IGF2BP2: variants seen among roughly 807,000 people sequenced by gnomAD.
IGF2BP2 encodes the protein insulin-like growth factor 2 mRNA-binding protein 2.
Under a neutral mutation model 75.8 loss-of-function variants are expected in IGF2BP2, and 17 were observed. The observed-to-expected ratio is 0.22, with a 90% CI of 0.15 to 0.34. The LOEUF is 0.34. Ranked by LOEUF, IGF2BP2 falls within the 10% of genes least tolerant of loss-of-function variation. IGF2BP2 has a pLI of 1.00. For missense variants in IGF2BP2, 516 were observed against 772.4 expected (o/e 0.67, Z 3.93); for synonymous variants, 288 against 295.6 (o/e 0.97, Z 0.26).
chr3:185,698,490 T>C (rs1722865579), intron 2 of IGF2BP2, 143 bp from the exon 3 acceptor site: 1 of 716,226 alleles, frequency 1.4e-6, no homozygotes, highest in Non-Finnish European at 2.4e-6. Context: ...CTACTGTGAA[T>C]CATGAGCATA....
intron 2 of IGF2BP2, among the ~76,000 whole-genome samples, chr3:185,807,325 GAACAAT>G (rs1174282034): frequency 6.6e-6 from 1 of 152,162 alleles, no homozygotes; most frequent in African/African-American, 2.4e-5. Flanking sequence ...AAAGCACTGA[GAACAAT>G]TTAGGCCTTA....
At chr3:185,821,145 C>T (rs967487988) in intron 2 of IGF2BP2, 19 of 1,462,944 alleles carry the variant, frequency 1.3e-5, no homozygotes, top group Non-Finnish European at 1.6e-5. Flanking sequence ...GTACAAGTAG[C>T]TAATTTCTGC....
chr3:185,785,195 G>T (rs1229289371), intron 2 of IGF2BP2, among the ~76,000 whole-genome samples: 1 of 151,690 alleles, frequency 6.6e-6, no homozygotes, highest in Admixed American at 6.6e-5. Context: ...CAGCTACTCG[G>T]GAGGTTGAGG....
At chr3:185,672,789 C>A (rs1718733798) in intron 9 of IGF2BP2, 120 bp from the exon 10 acceptor site, 1 of 1,090,842 alleles carries the variant, frequency 9.2e-7, no homozygotes, top group African/African-American at 1.6e-5. Flanking sequence ...TCTGCCCAGG[C>A]TCTTCCTACC....
intron 2 of IGF2BP2, among the ~76,000 whole-genome samples, chr3:185,783,055 T>C (rs1735407165): frequency 6.6e-6 from 1 of 152,190 alleles, no homozygotes; most frequent in Admixed American, 6.5e-5. Flanking sequence ...TTAATTCCAC[T>C]AAAGTGTCAT....
intron 2 of IGF2BP2, among the ~76,000 whole-genome samples, chr3:185,707,154 G>A (rs1394879081): frequency 1.3e-5 from 2 of 151,612 alleles, no homozygotes; most frequent in Non-Finnish European, 2.9e-5. Context: ...GAACCCAGGA[G>A]GTGGAGGCTG....
chr3:185,643,365 C>T lies in IGF2BP2; in HGVS notation c.*2166G>A, dbSNP rs1239174865. On this transcript the variant is annotated 3_prime_UTR_variant, in exon 16 of 16. Transcript: ENST00000382199. ...GATAGACTGGTCTTCTCTAGCTTGA[C>T]ATGCAGTCGATCCATCCCTCTAGCT... Among the ~76,000 whole-genome samples the T allele has an allele frequency of 6.6e-6, 1 of 152,238 alleles. No homozygotes were observed. The highest frequency in any genetic ancestry group is 1.5e-5 in the Non-Finnish European group (1 of 68,042).
At chr3:185,677,656 A>G (rs1416970799) in intron 7 of IGF2BP2, among the ~76,000 whole-genome samples, 1 of 152,228 alleles carries the variant, frequency 6.6e-6, no homozygotes, top group African/African-American at 2.4e-5. Flanking sequence ...ACCAGTAATT[A>G]AAAATAATTG....
At chr3:185,803,210 G>A (rs576407181) in intron 2 of IGF2BP2, among the ~76,000 whole-genome samples, 1 of 152,274 alleles carries the variant, frequency 6.6e-6, no homozygotes, top group South Asian at 2.1e-4. Flanking sequence ...AAGTAGCCGG[G>A]TGTGGTGGCA....
At chr3:185,737,221 G>A (rs1024664646) in intron 2 of IGF2BP2, among the ~76,000 whole-genome samples, 1 of 152,018 alleles carries the variant, frequency 6.6e-6, no homozygotes, top group Non-Finnish European at 1.5e-5. Flanking sequence ...TCTCTCCTAT[G>A]TCCTTCCTTC....
chr3:185,771,383 T>C (rs992884634), intron 2 of IGF2BP2, among the ~76,000 whole-genome samples: 8 of 147,444 alleles, frequency 5.4e-5, no homozygotes, highest in African/African-American at 1.3e-4. Flanking sequence ...GGAGTTGCAG[T>C]GGGCTGAGAT....
intron 2 of IGF2BP2, among the ~76,000 whole-genome samples, chr3:185,732,289 T>C (rs1289682030): frequency 6.6e-6 from 1 of 152,168 alleles, no homozygotes; most frequent in Non-Finnish European, 1.5e-5. Flanking sequence ...AGAGCGAAAC[T>C]CAGAAAAGAT....
At chr3:185,761,985 T>C (rs1732431892) in intron 2 of IGF2BP2, among the ~76,000 whole-genome samples, 1 of 152,350 alleles carries the variant, frequency 6.6e-6, no homozygotes, top group African/African-American at 2.4e-5. Flanking sequence ...CTGCTGTAGA[T>C]ATTCTACCAT....
intron 2 of IGF2BP2, among the ~76,000 whole-genome samples, chr3:185,703,825 TGAG>T (rs1353419532): frequency 6.6e-6 from 1 of 152,042 alleles, no homozygotes; most frequent in Non-Finnish European, 1.5e-5. Flanking sequence ...TGCTTTGGTG[TGAG>T]GAGGATAATG....
intron 4 of IGF2BP2, among the ~76,000 whole-genome samples, chr3:185,695,081 C>T (rs962529499): frequency 1.1e-4 from 16 of 150,766 alleles, no homozygotes; most frequent in African/African-American, 3.2e-4. Context: ...AGTGAGACTC[C>T]GCCTCAAAAA....
At chr3:185,732,807 A>T (rs555897333) in intron 2 of IGF2BP2, among the ~76,000 whole-genome samples, 1 of 152,358 alleles carries the variant, frequency 6.6e-6, no homozygotes, top group African/African-American at 2.4e-5. Context: ...AATTTAATGT[A>T]AGCAATGTGT....
At chr3:185,669,619 T>G (rs954945484) in intron 10 of IGF2BP2, among the ~76,000 whole-genome samples, 18 of 148,520 alleles carry the variant, frequency 1.2e-4, no homozygotes, top group South Asian at 2.1e-4. Flanking sequence ...GCATTAAAAA[T>G]TCCAGAGTTC....
At chr3:185,665,608 AAGGAGGAGG>A (rs61547511) in intron 10 of IGF2BP2, among the ~76,000 whole-genome samples, 4 of 143,284 alleles carry the variant, frequency 2.8e-5, no homozygotes, top group African/African-American at 1.0e-4. Flanking sequence ...AAGGAAGAAG[AAGGAGGAGG>A]AGGAGGAGGA....
intron 2 of IGF2BP2, among the ~76,000 whole-genome samples, chr3:185,765,610 G>A (rs1732932078): frequency 1.3e-5 from 2 of 152,154 alleles, no homozygotes; most frequent in South Asian, 2.1e-4. Flanking sequence ...ATTGAGAAAG[G>A]TCCATCTATT....
Sources: allele counts gnomAD v4.1 joint callset (sites outside exome capture counted in the v4.1 genomes callset), GRCh38; gene constraint gnomAD v4.1.1; transcripts MANE v1.5; gene names NCBI Gene and HGNC (gene_info 2026-07-23, HGNC 2026-07-21).